Variants in ELAPOR1 observed in about 807,000 individuals in gnomAD.
ELAPOR1 encodes endosome/lysosome-associated apoptosis and autophagy regulator 1.
In ELAPOR1, 77 loss-of-function variants were observed where a neutral mutation model predicts 119.7. That is an observed-to-expected ratio of 0.64 (90% CI 0.54 to 0.78). The LOEUF (loss-of-function observed/expected upper bound fraction) is 0.78. Among genes scored for constraint, ELAPOR1 ranks in the 30% least tolerant of loss-of-function variants. The pLI is 0.00. For missense variants in ELAPOR1, 1,115 were observed against 1,270.4 expected (o/e 0.88, Z 1.86); for synonymous variants, 481 against 487.2 (o/e 0.99, Z 0.17).
chr1:109,173,342 AGAG>A, intron 5 of ELAPOR1, 129 bp from the exon 6 acceptor site: 1 of 725,802 alleles, frequency 1.4e-6, no homozygotes, highest in East Asian at 2.5e-5. Context: ...GAGCTGAGGA[AGAG>A]GAGGAAGAGG....
chr1:109,178,340 A>G (rs562331776), intron 7 of ELAPOR1, among the ~76,000 whole-genome samples: 7 of 152,154 alleles, frequency 4.6e-5, no homozygotes, highest in Non-Finnish European at 1.0e-4. Context: ...GAACATGGTC[A>G]ACTTGTTGAC....
At chr1:109,125,738 G>T (rs143802457) in intron 1 of ELAPOR1, among the ~76,000 whole-genome samples, 2,665 of 152,170 alleles carry the variant, frequency 0.018, 90 homozygotes, top group African/African-American at 0.061. Flanking sequence ...GCACTTCCTA[G>T]GGTGATAAGA....
chr1:109,194,870 G>A (rs1275927995), intron 15 of ELAPOR1, among the ~76,000 whole-genome samples: 1 of 152,222 alleles, frequency 6.6e-6, no homozygotes, highest in African/African-American at 2.4e-5. Context: ...CACTTTGGGA[G>A]GCCGAGACGG....
At chr1:109,133,929 A>G (rs1398110731) in intron 1 of ELAPOR1, among the ~76,000 whole-genome samples, 1 of 152,156 alleles carries the variant, frequency 6.6e-6, no homozygotes, top group African/African-American at 2.4e-5. Flanking sequence ...TCACTTTTGG[A>G]TCCAGGCCAT....
intron 1 of ELAPOR1, among the ~76,000 whole-genome samples, chr1:109,144,053 A>ATTTTTTTTTT (rs869275387): frequency 2.2e-5 from 2 of 89,778 alleles, no homozygotes; most frequent in African/African-American, 1.1e-4. Context: ...ATATATATAT[A>ATTTTTTTTTT]TTTATATATT....
intron 4 of ELAPOR1, 58 bp downstream of exon 4, chr1:109,172,071 C>G: frequency 6.3e-7 from 1 of 1,577,900 alleles, no homozygotes; most frequent in Non-Finnish European, 8.7e-7. Context: ...GGGTTCAGAT[C>G]CGTTTGAGGA....
intron 1 of ELAPOR1, among the ~76,000 whole-genome samples, chr1:109,123,199 G>A (rs1022007051): frequency 2.0e-5 from 3 of 152,052 alleles, no homozygotes; most frequent in South Asian, 2.1e-4. Flanking sequence ...ATTATGTAGG[G>A]GCATACATAT....
At position 109,114,250 on chromosome 1, in the gene ELAPOR1, C is replaced by T. The variant is rs1159828681; in HGVS notation, c.67C>T (p.Pro23Ser). ...CAGGGGAAGAACTGAGAGGCGCATA[C>T]CCCGGCTGTGGCGGCTGCTGCTCTG... is the stretch of plus-strand genomic sequence containing the variant. The part of the protein sequence containing the change: ...RVRGRTERRI[P>S]RLWRLLLWAG... Residue 23 changes from proline to serine, a missense_variant, in exon 1 of 22, where the codon CCC (proline) becomes TCC (serine). Physicochemically the swap from Pro to Ser is moderately conservative, Grantham distance 74 (BLOSUM62 -1). Transcript: ENST00000369939. 7 of 1,603,956 alleles carry T rather than the reference C, an allele frequency of 4.4e-6. No homozygotes were observed. Among genetic ancestry groups the T allele is most frequent in the African/African-American group, 1.3e-5 (1 of 74,748 alleles).
chr1:109,173,439 T>A (rs1233767413), intron 5 of ELAPOR1, 35 bp from the exon 6 acceptor site: 1 of 1,571,696 alleles, frequency 6.4e-7, no homozygotes, highest in Admixed American at 1.7e-5. Context: ...GATTTTTCTC[T>A]GTGATGAATG....
intron 8 of ELAPOR1, chr1:109,186,587 T>G: frequency 1.2e-5 from 12 of 985,474 alleles, no homozygotes; most frequent in Non-Finnish European, 1.4e-5. Context: ...CAAGAGAGAA[T>G]GGCTGTGTCT....
chr1:109,144,824 TA>T (rs1446365500), intron 1 of ELAPOR1, among the ~76,000 whole-genome samples: 4 of 152,252 alleles, frequency 2.6e-5, no homozygotes, highest in Admixed American at 1.3e-4. Context: ...TCCTAGATAT[TA>T]TTGTATTGTG....
rs774302567 is a variant in ELAPOR1 at position 109,173,522 on chromosome 1, T to C, written c.745T>C (p.Phe249Leu). ...TGTCCTCTATTGGAGAACCACAGCC[T>C]TCTCAGTATGGACCAAAGTACCCAA... ...NNVLYWRTTA[F>L]SVWTKVPKPV... Residue 249 changes from phenylalanine to leucine, a missense_variant, in exon 6 of 22, where the codon TTC becomes CTC. Transcript: ENST00000369939. 1.9e-6 allele frequency: 3 copies of C among 1,614,102 alleles called. No homozygotes were observed. In the African/African-American group the frequency reaches 4.0e-5, roughly 22 times the overall value.
intron 7 of ELAPOR1, among the ~76,000 whole-genome samples, chr1:109,183,590 T>TTCCCTCCTCCC: frequency 9.2e-6 from 1 of 108,252 alleles, no homozygotes; most frequent in Non-Finnish European, 1.8e-5. Flanking sequence ...CCTTCCTTCC[T>TTCCCTCCTCCC]TCCTTCCTTC....
At chr1:109,158,504 C>T (rs1338115018) in intron 1 of ELAPOR1, among the ~76,000 whole-genome samples, 1 of 152,092 alleles carries the variant, frequency 6.6e-6, no homozygotes, top group Non-Finnish European at 1.5e-5. Flanking sequence ...AGGAGTATTA[C>T]ATGGCTGGGT....
chr1:109,180,587 T>C (rs1652632525), intron 7 of ELAPOR1, among the ~76,000 whole-genome samples: 1 of 152,176 alleles, frequency 6.6e-6, no homozygotes, highest in Admixed American at 6.5e-5. Context: ...AGGTAAAGGA[T>C]TTAGAAAGGG....
chr1:109,169,098 A>G (rs901033393), intron 3 of ELAPOR1, among the ~76,000 whole-genome samples: 4 of 152,188 alleles, frequency 2.6e-5, no homozygotes, highest in Non-Finnish European at 5.9e-5. Flanking sequence ...CTGTTAGGTT[A>G]GCTGGGATAT....
chr1:109,174,413 T>TAAAAAAAAAAAAA (rs59275691), intron 7 of ELAPOR1, among the ~76,000 whole-genome samples: 3 of 42,044 alleles, frequency 7.1e-5, no homozygotes, highest in Admixed American at 9.6e-4. Context: ...ACCCTGTCTC[T>TAAAAAAAAAAAAA]AAAAAAAAAA....
At chr1:109,179,537 A>T (rs1406757101) in intron 7 of ELAPOR1, among the ~76,000 whole-genome samples, 2 of 152,132 alleles carry the variant, frequency 1.3e-5, no homozygotes, top group African/African-American at 4.8e-5. Flanking sequence ...GGCCGGAAAC[A>T]GATTATGGAG....
intron 1 of ELAPOR1, among the ~76,000 whole-genome samples, chr1:109,160,315 A>G (rs1037323991): frequency 7.9e-5 from 12 of 151,982 alleles, no homozygotes; most frequent in Non-Finnish European, 1.0e-4. Context: ...TAAAAAAAAA[A>G]AAAAGAAAAG....
Sources: gnomAD v4.1 joint callset for allele counts (sites outside exome capture counted in the v4.1 genomes callset) on GRCh38, gnomAD v4.1.1 for gene constraint, MANE v1.5 for transcripts, NCBI Gene and HGNC (gene_info 2026-07-23, HGNC 2026-07-21) for gene names.